Variants in KCTD15 observed in about 807,000 individuals in gnomAD.
KCTD15 encodes potassium channel tetramerization domain containing 15.
KCTD15 carries 11 observed loss-of-function variants against 27.2 expected under a neutral mutation model. The observed-to-expected ratio is 0.41, with a 90% CI of 0.25 to 0.67. KCTD15 has a LOEUF of 0.67. Among genes scored for constraint, KCTD15 ranks in the 30% least tolerant of loss-of-function variants. KCTD15 has a pLI of 0.35. For missense variants in KCTD15, 350 were observed against 409.3 expected (o/e 0.86, Z 1.25); for synonymous variants, 163 against 176.0 (o/e 0.93, Z 0.58).
intron 4 of KCTD15, among the ~76,000 whole-genome samples, chr19:33,801,899 C>T (rs1311853693): frequency 6.6e-6 from 1 of 152,158 alleles, no homozygotes; most frequent in Non-Finnish European, 1.5e-5. Flanking sequence ...CAGCAGGCTT[C>T]CCTTGGAGCT....
chr19:33,812,965 C>A lies in KCTD15; in HGVS notation c.*17C>A. The A allele has an allele frequency of 1.3e-6, 2 of 1,531,272 alleles. No individual in the cohort carries two copies. Among genetic ancestry groups the A allele is most frequent in the Non-Finnish European group, 1.8e-6 (2 of 1,139,794 alleles). The allele number at this position is 1,531,272 out of a possible 1,614,324, so 94.9% of individuals were successfully genotyped here. ...CTGGACTAGGCCCTGCTTCAGTGCC[C>A]ACCTGGGCCCCCCCAGGGACCTGGA... On this transcript the variant is annotated 3_prime_UTR_variant, in exon 7 of 7. Transcript: ENST00000683859.
rs1328533128 is a variant in KCTD15 at position 33,800,505 on chromosome 19, C to T, written c.51C>T (p.Gly17=). The change falls in exon 3 of 7, where the codon GGC becomes GGT. Residue 17 remains glycine (G), a synonymous_variant. Transcript: ENST00000683859. ...RPSGSSLHTH[G]STGTAEGGNM... ...GCGGGTCCTCGCTTCACACACACGG[C>T]AGCACCGGCACCGCGGTGAGCCTGC... is the stretch of plus-strand genomic sequence containing the variant. 1.2e-6 allele frequency: 2 copies of T among 1,600,908 alleles called. 1 individual carries two copies. The highest frequency in any genetic ancestry group is 2.3e-5 in the South Asian group (2 of 87,998).
At chr19:33,794,799 G>A (rs1975267697), upstream of KCTD15, among the ~76,000 whole-genome samples, 1 of 152,274 alleles carries the variant, frequency 6.6e-6, no homozygotes, top group Non-Finnish European at 1.5e-5. Context: ...TGAGTGGGAT[G>A]TGCATTGATG....
intron 6 of KCTD15, chr19:33,812,029 C>T (rs887041601): frequency 3.5e-6 from 5 of 1,426,834 alleles, no homozygotes; most frequent in Admixed American, 6.1e-5. Flanking sequence ...AATTGGACAG[C>T]TCAGATGGAG....
intron 4 of KCTD15, among the ~76,000 whole-genome samples, chr19:33,804,621 C>T (rs1488794785): frequency 6.6e-6 from 1 of 152,246 alleles, no homozygotes; most frequent in African/African-American, 2.4e-5. Flanking sequence ...TATCTGGCAG[C>T]CTGGGACAGA....
chr19:33,796,826 G>A (rs1303667123), upstream of KCTD15: 3 of 140,870 alleles, frequency 2.1e-5, no homozygotes, highest in African/African-American at 5.2e-5. Flanking sequence ...GGGGCGGGAG[G>A]GGTGGGTGGG....
rs747315943 is a variant in KCTD15, at chr19:33,807,026, G to GC, written c.387+25dup. On this transcript the variant is annotated intron_variant, in intron 5 of 6. Coordinates refer to ENST00000683859, the MANE Select transcript of KCTD15 (RefSeq NM_001129994.2). ...CTTTAAGGTAAGTCCATGGCTGGTGGCCCCCCTGCACTGCCTGTGTGATGG... is the reference window on the plus strand; with the variant it reads ...CTTTAAGGTAAGTCCATGGCTGGTGGCCCCCCCTGCACTGCCTGTGTGATGG... The GC allele has an allele frequency of 1.2e-6, 2 of 1,612,032 alleles. No homozygotes were observed. The highest frequency in any genetic ancestry group is 1.1e-5 in the South Asian group (1 of 90,770).
intron 3 of KCTD15, 87 bp from the exon 4 acceptor site, chr19:33,801,080 C>T (rs1324470106): frequency 6.3e-6 from 8 of 1,277,954 alleles, no homozygotes; most frequent in Non-Finnish European, 8.7e-6. Context: ...ATCACACTCT[C>T]AATAAAGGGA....
chr19:33,797,341 C>G (rs1199460326), intron 1 of KCTD15: 3 of 445,992 alleles, frequency 6.7e-6, no homozygotes, highest in African/African-American at 2.0e-5. Context: ...TGTTCTGGGC[C>G]GAGCGCCCTG....
At chr19:33,797,177 C>T (rs954602314) in intron 1 of KCTD15, among the ~76,000 whole-genome samples, 190 bp downstream of exon 1, 4 of 151,894 alleles carry the variant, frequency 2.6e-5, no homozygotes, top group African/African-American at 9.7e-5. Flanking sequence ...AGTGGGGTTG[C>T]CCACGTGGGC....
chr19:33,803,355 C>G (rs1173862124), intron 4 of KCTD15, among the ~76,000 whole-genome samples: 1 of 152,206 alleles, frequency 6.6e-6, no homozygotes, highest in African/African-American at 2.4e-5. Context: ...AAGCAGTTTT[C>G]TACCAATTCT....
In KCTD15 at chr19:33,815,643, G is replaced by A. The variant is rs1177943662; in HGVS notation, c.*2695G>A. 1 of 151,352 alleles carries A rather than the reference G, an allele frequency of 6.6e-6. No homozygotes were observed. Among genetic ancestry groups the A allele is most frequent in the Admixed American group, 6.6e-5 (1 of 15,196 alleles). 9.4% of individuals were successfully genotyped at this position (151,352 alleles called of 1,614,324 possible). ...CTCAGCCACCGTCCCGCTCACAGGG[G>A]CCCAATGCCAGGTCACAACACTAAG... On this transcript the variant is annotated 3_prime_UTR_variant, in exon 7 of 7. Transcript: ENST00000683859.
chr19:33,811,681 G>C (rs1279091827), intron 6 of KCTD15, 129 bp downstream of exon 6: 1 of 1,516,406 alleles, frequency 6.6e-7, no homozygotes, highest in African/African-American at 1.4e-5. Flanking sequence ...CTACAAAAAA[G>C]GCAACAATGT....
chr19:33,812,120 G>A, intron 6 of KCTD15: 1 of 1,283,504 alleles, frequency 7.8e-7, no homozygotes, highest in Non-Finnish European at 9.8e-7. Flanking sequence ...GGCTTTGCAG[G>A]GAAGAGGGCC....
rs1027303607 is a variant in KCTD15 at position 33,815,657 on chromosome 19, C to G, written c.*2709C>G. On this transcript the variant is annotated 3_prime_UTR_variant, in exon 7 of 7. Coordinates refer to ENST00000683859, the MANE Select transcript of KCTD15 (RefSeq NM_001129994.2). The stretch of plus-strand genomic sequence containing the variant: ...CGCTCACAGGGGCCCAATGCCAGGT[C>G]ACAACACTAAGAATATCTTTCAAAA... The G allele has an allele frequency of 6.6e-6, 1 of 150,448 alleles. No homozygotes were observed. The highest frequency in any genetic ancestry group is 2.5e-5 in the African/African-American group (1 of 40,776). 9.3% of individuals were successfully genotyped at this position (150,448 alleles called of 1,614,324 possible).
chr19:33,800,217 ATGTG>A (rs1975481216), intron 2 of KCTD15, among the ~76,000 whole-genome samples: 1 of 152,224 alleles, frequency 6.6e-6, no homozygotes, highest in South Asian at 2.1e-4. Context: ...GTGTGCATGT[ATGTG>A]TGTGTCATCT....
chr19:33,795,869 C>G (rs1249985599), upstream of KCTD15: 2 of 152,096 alleles, frequency 1.3e-5, no homozygotes, highest in Non-Finnish European at 2.9e-5. Flanking sequence ...GCCCGGTGCC[C>G]CAGCGCGTCC....
In KCTD15 at chr19:33,797,311, G is replaced by T. The variant is rs564897364; in HGVS notation, c.-127+324G>T. Reference sequence around the variant, plus strand: ...GCGCGCGCGCGCGCGCGCTTGTGGAGGTCCCCGCACTCTGGCCCCTGTTCT... The same window carrying T: ...GCGCGCGCGCGCGCGCGCTTGTGGATGTCCCCGCACTCTGGCCCCTGTTCT... On this transcript the variant is annotated intron_variant, in intron 1 of 6. Coordinates refer to ENST00000683859, the MANE Select transcript of KCTD15 (RefSeq NM_001129994.2). 154 of 396,518 alleles carry T rather than the reference G, an allele frequency of 3.9e-4. No individual in the cohort carries two copies. The East Asian group carries it at 0.011, about 28-fold the overall frequency. 24.6% of individuals were successfully genotyped at this position (396,518 alleles called of 1,614,324 possible). A position where few individuals can be genotyped will look rare whatever the true frequency, so the allele number is the denominator to read the frequency against.
At chr19:33,798,119 A>G (rs922365756) in intron 1 of KCTD15, 1 of 152,032 alleles carries the variant, frequency 6.6e-6, no homozygotes, top group Non-Finnish European at 1.5e-5. Context: ...GGCGCGCACC[A>G]GGTGGCCCGC....
Sources: gnomAD v4.1 joint callset for allele counts (sites outside exome capture counted in the v4.1 genomes callset) on GRCh38, gnomAD v4.1.1 for gene constraint, MANE v1.5 for transcripts, NCBI Gene and HGNC (gene_info 2026-07-23, HGNC 2026-07-21) for gene names.